UBR2: variants seen among roughly 807,000 people sequenced by gnomAD.
The protein encoded by UBR2 is E3 ubiquitin-protein ligase UBR2.
Under a neutral mutation model 247.9 loss-of-function variants are expected in UBR2, and 92 were observed. That is an observed-to-expected ratio of 0.37 (90% CI 0.31 to 0.44). The LOEUF (loss-of-function observed/expected upper bound fraction) is 0.44, where lower values mean the gene tolerates loss of function less well. Among genes scored for constraint, UBR2 ranks in the 20% least tolerant of loss-of-function variants. The pLI is 1.00. For synonymous variants in UBR2, 672 were observed against 693.5 expected, an observed-to-expected ratio of 0.97 and a Z score of 0.49; for missense variants, 1,613 against 2,112.6, an observed-to-expected ratio of 0.76 and a Z score of 4.64.
chr6:42,665,950 G>A (rs1376967660), intron 33 of UBR2, among the ~76,000 whole-genome samples: 3 of 151,966 alleles, frequency 2.0e-5, no homozygotes, highest in Non-Finnish European at 4.4e-5. Context: ...AGCTACTCTT[G>A]TTTTTGTTTT....
chr6:42,566,597 A>G (rs1201451082), intron 1 of UBR2, among the ~76,000 whole-genome samples: 4 of 152,208 alleles, frequency 2.6e-5, no homozygotes, highest in Non-Finnish European at 4.4e-5. Flanking sequence ...CACATTGGCC[A>G]GGATGGTCTC....
intron 13 of UBR2, among the ~76,000 whole-genome samples, chr6:42,633,545 C>G (rs1795891737): frequency 6.6e-6 from 1 of 151,972 alleles, no homozygotes; most frequent in South Asian, 2.1e-4. Context: ...TATACACCAC[C>G]ACACCAGCTA....
At chr6:42,650,786 C>A (rs1263627213) in intron 23 of UBR2, among the ~76,000 whole-genome samples, 1 of 152,158 alleles carries the variant, frequency 6.6e-6, no homozygotes, top group South Asian at 2.1e-4. Flanking sequence ...CTATATAATA[C>A]ATACCTTTAC....
Position 42,683,037 on chromosome 6 carries a change from CCT to C in UBR2, c.4719-15_4719-14del. On this transcript the variant is annotated splice_polypyrimidine_tract_variant and intron_variant, in intron 42 of 46. Transcript: ENST00000372901. ...TTTAAAAGTGTTTTGTGTTTTTCCC[CCT>C]CTGTTTACATTAAAGTTGGTGCCGT... is the stretch of plus-strand genomic sequence containing the variant. The C allele has an allele frequency of 1.2e-6, 2 of 1,608,988 alleles. No individual in the cohort carries two copies. Among genetic ancestry groups the C allele is most frequent in the South Asian group, 2.2e-5 (2 of 90,392 alleles).
At chr6:42,565,161 A>G (rs1158168878) in intron 1 of UBR2, among the ~76,000 whole-genome samples, 1 of 152,248 alleles carries the variant, frequency 6.6e-6, no homozygotes, top group Non-Finnish European at 1.5e-5. Context: ...AGGAGCAGTT[A>G]TATTCCAAAC....
At chr6:42,684,408 C>T (rs1448591013) in intron 43 of UBR2, among the ~76,000 whole-genome samples, 1 of 150,082 alleles carries the variant, frequency 6.7e-6, no homozygotes, top group East Asian at 1.9e-4. Context: ...AACCCTGTCT[C>T]TACTAAAAAA....
In UBR2 at chr6:42,659,683, A is replaced by G; in HGVS notation, c.3270A>G (p.Thr1090=). 1.2e-6 allele frequency: 2 copies of G among 1,613,962 alleles called. No individual in the cohort carries two copies. The highest frequency in any genetic ancestry group is 1.7e-6 in the Non-Finnish European group (2 of 1,179,914). Residue 1090 remains threonine, a synonymous_variant, in exon 30 of 47, where the codon ACA becomes ACG. Coordinates refer to ENST00000372901, the MANE Select transcript of UBR2 (RefSeq NM_001363705.2). The surrounding 1 kb of genome is among the most constrained non-coding windows in gnomAD (Gnocchi z 4.3). The part of the protein sequence containing the change: ...HSPVASDMTL[T]ALGPAQTQVP... ...CTGTGGCTTCAGATATGACACTTAC[A>G]GCACTGGGCCCCGCACAAACTCAGG... is the stretch of plus-strand genomic sequence containing the variant.
At chr6:42,617,957 T>G (rs1794666069) in intron 11 of UBR2, among the ~76,000 whole-genome samples, 1 of 152,250 alleles carries the variant, frequency 6.6e-6, no homozygotes, top group African/African-American at 2.4e-5. Flanking sequence ...GGTCTTTTAC[T>G]GAGCTTCACG....
chr6:42,617,757 A>G lies in UBR2; in HGVS notation c.1281+250A>G, dbSNP rs575283351. On this transcript the variant is annotated intron_variant, in intron 11 of 46. Transcript: ENST00000372901. The stretch of plus-strand genomic sequence containing the variant: ...GTAAAGGAGAGGGAAACAATCTACA[A>G]TTTTTCATAGTACTTCCCTGAGATT... 1.2e-4 allele frequency among the ~76,000 whole-genome samples: 19 copies of G among 152,238 alleles called. 1 individual carries two copies. In the East Asian group the frequency reaches 3.1e-3, roughly 25 times the overall value.
At chr6:42,614,397 T>G (rs1794374767) in intron 8 of UBR2, among the ~76,000 whole-genome samples, 2 of 89,712 alleles carry the variant, frequency 2.2e-5, no homozygotes, top group South Asian at 3.8e-4. Flanking sequence ...TGTACGTACA[T>G]ACATACGTAT....
chr6:42,647,335 A>G (rs933738027), intron 21 of UBR2, among the ~76,000 whole-genome samples: 1 of 150,304 alleles, frequency 6.7e-6, no homozygotes, highest in African/African-American at 2.4e-5. Flanking sequence ...TAATCCCAAC[A>G]CTTTGGGAGA....
intron 11 of UBR2, among the ~76,000 whole-genome samples, chr6:42,624,183 C>T (rs966590909): frequency 1.7e-4 from 26 of 152,076 alleles, no homozygotes; most frequent in African/African-American, 6.0e-4. Flanking sequence ...CTCTAGCACC[C>T]AGGCCAGAGT....
chr6:42,687,266 C>T (rs757374566), intron 44 of UBR2, among the ~76,000 whole-genome samples: 1 of 152,208 alleles, frequency 6.6e-6, no homozygotes, highest in African/African-American at 2.4e-5. Flanking sequence ...GCAGATCACT[C>T]GCCGTCAGGA....
chr6:42,612,056 A>G, intron 7 of UBR2, 115 bp from the exon 8 acceptor site: 2 of 959,078 alleles, frequency 2.1e-6, no homozygotes, highest in Non-Finnish European at 1.4e-6. Flanking sequence ...TACATCCATG[A>G]AAAAGTCTCC....
intron 1 of UBR2, among the ~76,000 whole-genome samples, chr6:42,570,667 T>G (rs1220414544): frequency 6.7e-6 from 1 of 148,250 alleles, no homozygotes; most frequent in Non-Finnish European, 1.5e-5. Flanking sequence ...TTATGTAAAG[T>G]GGCTAGTTTT....
chr6:42,619,603 G>T (rs1304796302), intron 11 of UBR2: 3 of 209,024 alleles, frequency 1.4e-5, no homozygotes, highest in East Asian at 9.7e-5. Context: ...AGAAAAATTA[G>T]CCAGGCGTGG....
chr6:42,590,552 G>T (rs1352375769), intron 2 of UBR2, among the ~76,000 whole-genome samples: 1 of 152,086 alleles, frequency 6.6e-6, no homozygotes, highest in Non-Finnish European at 1.5e-5. Context: ...TGTTACAAAA[G>T]AAAATTAAAG....
At chr6:42,684,957 T>C (rs1244754078) in intron 44 of UBR2, 86 bp downstream of exon 44, 3 of 1,138,712 alleles carry the variant, frequency 2.6e-6, no homozygotes, top group Admixed American at 2.2e-5. Context: ...TGTTGTTCTT[T>C]GTTTGGGTAG....
chr6:42,675,493 C>G (rs890110460), intron 38 of UBR2, among the ~76,000 whole-genome samples: 4 of 152,118 alleles, frequency 2.6e-5, no homozygotes, highest in Admixed American at 2.6e-4. Context: ...TAACAATAAG[C>G]TATGTATAGA....
Sources: allele counts gnomAD v4.1 joint callset (sites outside exome capture counted in the v4.1 genomes callset), GRCh38; gene constraint gnomAD v4.1.1; non-coding constraint Gnocchi (gnomAD v3.1); transcripts MANE v1.5; gene names NCBI Gene and HGNC (gene_info 2026-07-23, HGNC 2026-07-21).